Variants in SULT2B1 observed in about 807,000 individuals in gnomAD.
The protein encoded by SULT2B1 is sulfotransferase 2B1.
Under a neutral mutation model 33.2 loss-of-function variants are expected in SULT2B1, and 16 were observed. The observed-to-expected ratio is 0.48, with a 90% CI of 0.33 to 0.73. SULT2B1 has a LOEUF of 0.73. SULT2B1 is among the 30% of genes least tolerant of loss of function. The probability of loss-of-function intolerance (pLI) is 0.02; values close to 1 mark genes in which losing one functional copy is unlikely to be tolerated. For synonymous variants in SULT2B1, 186 were observed against 200.5 expected, an observed-to-expected ratio of 0.93 and a Z score of 0.61; for missense variants, 500 against 506.0, an observed-to-expected ratio of 0.99 and a Z score of 0.11.
At chr19:48,562,774 G>A (rs1353529157) in intron 1 of SULT2B1, among the ~76,000 whole-genome samples, 1 of 151,956 alleles carries the variant, frequency 6.6e-6, no homozygotes, top group Non-Finnish European at 1.5e-5. Context: ...CTGCCTCCCA[G>A]GTTCAGGCAA....
chr19:48,581,029 CTTTT>C (rs57093444), intron 2 of SULT2B1, among the ~76,000 whole-genome samples: 2,812 of 64,912 alleles, frequency 0.043, 55 homozygotes, highest in African/African-American at 0.14. Context: ...ATATATATTC[CTTTT>C]TTTTTTTTTT....
At chr19:48,576,359 C>CTTTTCTTTTTTTCTTTTTTT in intron 2 of SULT2B1, among the ~76,000 whole-genome samples, 14 of 96,716 alleles carry the variant, frequency 1.4e-4, no homozygotes, top group Non-Finnish European at 1.9e-4. Flanking sequence ...CTCTACTTCT[C>CTTTTCTTTTTTTCTTTTTTT]TTTTTTTTTT....
chr19:48,585,755 A>G (rs1421144756), intron 2 of SULT2B1, among the ~76,000 whole-genome samples: 2 of 152,160 alleles, frequency 1.3e-5, no homozygotes, highest in African/African-American at 4.8e-5. Context: ...GGTGCAGCAC[A>G]CCAACATGGC....
chr19:48,584,005 G>A (rs1234306106), intron 2 of SULT2B1, among the ~76,000 whole-genome samples: 2 of 152,102 alleles, frequency 1.3e-5, no homozygotes, highest in South Asian at 4.1e-4. Flanking sequence ...ACAGCTATTC[G>A]GGAAGCTGAG....
intron 4 of SULT2B1, 105 bp from the exon 5 acceptor site, chr19:48,592,617 G>A: frequency 1.0e-6 from 1 of 968,244 alleles, no homozygotes; most frequent in Non-Finnish European, 1.6e-6. Flanking sequence ...TCTGGGGGCT[G>A]GACCTGGGGG....
chr19:48,560,099 A>G (rs895819635), intron 1 of SULT2B1, among the ~76,000 whole-genome samples: 4 of 152,070 alleles, frequency 2.6e-5, no homozygotes, highest in Admixed American at 2.6e-4. Flanking sequence ...CGTCTGTGAA[A>G]CGGGCAATGA....
At chr19:48,594,473 C>G (rs1010890091) in intron 5 of SULT2B1, among the ~76,000 whole-genome samples, 1 of 152,152 alleles carries the variant, frequency 6.6e-6, no homozygotes, top group African/African-American at 2.4e-5. Flanking sequence ...GAAGAGGTGT[C>G]GGTGCTACTC....
intron 2 of SULT2B1, among the ~76,000 whole-genome samples, chr19:48,576,378 G>A (rs371404396): frequency 9.3e-5 from 1 of 10,808 alleles, no homozygotes; most frequent in Non-Finnish European, 2.2e-4. Flanking sequence ...TTTTTTTTTT[G>A]TAGAGATGGG....
In SULT2B1 at chr19:48,552,619, C is replaced by A; in HGVS notation, c.71+296C>A. Reference sequence around the variant, plus strand: ...AAAGGGGCCCACAAGCCCTGTGTCTCCCTGATAGAGCAGTGGAAGAGAGCA... The same window carrying A: ...AAAGGGGCCCACAAGCCCTGTGTCTACCTGATAGAGCAGTGGAAGAGAGCA... On this transcript the variant is annotated intron_variant, in intron 1 of 6. Coordinates refer to ENST00000201586, the MANE Select transcript of SULT2B1 (RefSeq NM_177973.2). The surrounding 1 kb of genome is among the most constrained non-coding windows in gnomAD (Gnocchi z 4.8). 6.6e-6 allele frequency among the ~76,000 whole-genome samples: 1 copy of A among 152,182 alleles called. No homozygotes were observed. Among genetic ancestry groups the A allele is most frequent in the South Asian group, 2.1e-4 (1 of 4,820 alleles).
At chr19:48,561,577 C>T (rs189803955) in intron 1 of SULT2B1, among the ~76,000 whole-genome samples, 2 of 152,220 alleles carry the variant, frequency 1.3e-5, no homozygotes, top group Non-Finnish European at 1.5e-5. Flanking sequence ...AGGCGACAGG[C>T]GTCGTGCAGG....
At chr19:48,591,242 A>T (rs530113392) in intron 3 of SULT2B1, 18 of 174,014 alleles carry the variant, frequency 1.0e-4, no homozygotes, top group Non-Finnish European at 2.0e-4. Context: ...AACGTGTAAG[A>T]CCTTGCCTGT....
chr19:48,555,338 C>T (rs1038053540), intron 1 of SULT2B1, among the ~76,000 whole-genome samples: 21 of 152,304 alleles, frequency 1.4e-4, no homozygotes, highest in African/African-American at 4.3e-4. Flanking sequence ...GTGATCCACC[C>T]GCCTTGGTCT....
intron 1 of SULT2B1, among the ~76,000 whole-genome samples, chr19:48,555,328 G>A (rs1973083857): frequency 6.6e-6 from 1 of 152,126 alleles, no homozygotes. Context: ...CTGACCTCAG[G>A]TGATCCACCC....
At chr19:48,561,450 T>TAGATAAAATAAATAAATTAATTA (rs1297241161) in intron 1 of SULT2B1, among the ~76,000 whole-genome samples, 1 of 139,310 alleles carries the variant, frequency 7.2e-6, no homozygotes, top group Admixed American at 7.0e-5. Context: ...AATAAATAGA[T>TAGATAAAATAAATAAATTAATTA]AGATAAAATA....
chr19:48,579,607 T>TTCTTTTTC (rs1555733746), intron 2 of SULT2B1, among the ~76,000 whole-genome samples: 2 of 117,334 alleles, frequency 1.7e-5, no homozygotes, highest in Admixed American at 1.6e-4. Context: ...CTTTCTTTCT[T>TTCTTTTTC]TTTTTTTTTT....
At chr19:48,568,322 A>T (rs939444505) in intron 1 of SULT2B1, among the ~76,000 whole-genome samples, 5 of 151,720 alleles carry the variant, frequency 3.3e-5, no homozygotes, top group Admixed American at 6.6e-5. Context: ...AGGGCCGCAA[A>T]GGAGGCCAGC....
chr19:48,581,592 G>A (rs1191332708), intron 2 of SULT2B1, among the ~76,000 whole-genome samples: 1 of 149,680 alleles, frequency 6.7e-6, no homozygotes, highest in Non-Finnish European at 1.5e-5. Context: ...CGAGTAGCTG[G>A]GACTACAGGC....
chr19:48,573,475 G>T (rs905259808), intron 1 of SULT2B1, among the ~76,000 whole-genome samples: 1 of 152,114 alleles, frequency 6.6e-6, no homozygotes, highest in Non-Finnish European at 1.5e-5. Context: ...CAGGCACAGG[G>T]TACCTGTTTT....
At chr19:48,580,491 CTCAG>C (rs1291553347) in intron 2 of SULT2B1, among the ~76,000 whole-genome samples, 5 of 152,210 alleles carry the variant, frequency 3.3e-5, no homozygotes, top group Admixed American at 1.3e-4. Context: ...AACTCCTCAC[CTCAG>C]TCAATCTACC....
Sources: allele counts gnomAD v4.1 joint callset (sites outside exome capture counted in the v4.1 genomes callset), GRCh38; gene constraint gnomAD v4.1.1; non-coding constraint Gnocchi (gnomAD v3.1); transcripts MANE v1.5; gene names NCBI Gene and HGNC (gene_info 2026-07-23, HGNC 2026-07-21).